The following SEMA4A variants were observed in gnomAD, a reference collection of about 807,000 sequenced individuals.
The protein encoded by SEMA4A is semaphorin-4A.
Under a neutral mutation model 72.5 loss-of-function variants are expected in SEMA4A, and 52 were observed. The observed-to-expected ratio is 0.72, with a 90% CI of 0.57 to 0.90. SEMA4A has a LOEUF of 0.90. Among genes scored for constraint, SEMA4A ranks in the 40% least tolerant of loss-of-function variants. SEMA4A has a pLI of 0.00. For missense variants in SEMA4A, 926 were observed against 959.7 expected, an observed-to-expected ratio of 0.96 and a Z score of 0.46; for synonymous variants, 369 against 393.1, an observed-to-expected ratio of 0.94 and a Z score of 0.73.
Position 156,172,026 on chromosome 1 carries a change from C to T in SEMA4A, c.1135-800C>T, listed in dbSNP as rs548250444. ...GTCTCGATCTCCTGACTTCGTGATC[C>T]GCCAGCCTCGGCCTCCCAAAGTGTT... On this transcript the variant is annotated intron_variant, in intron 10 of 14. Coordinates refer to ENST00000368285, the MANE Select transcript of SEMA4A (RefSeq NM_022367.4). Among the ~76,000 whole-genome samples, 346 of 151,226 alleles carry T rather than the reference C, an allele frequency of 2.3e-3. 2 individuals are homozygous for T. Among genetic ancestry groups the T allele is most frequent in the African/African-American group, 7.8e-3 (323 of 41,244 alleles).
intron 6 of SEMA4A, among the ~76,000 whole-genome samples, chr1:156,159,798 C>T (rs1470201390): frequency 2.0e-5 from 3 of 151,570 alleles, no homozygotes; most frequent in South Asian, 2.1e-4. Context: ...GCCGGACAAG[C>T]GCCTGTGATC....
chr1:156,160,434 C>A lies in SEMA4A; in HGVS notation c.569-9C>A. 6.2e-7 allele frequency: 1 copy of A among 1,605,750 alleles called. No individual in the cohort carries two copies. The highest frequency in any genetic ancestry group is 8.5e-7 in the Non-Finnish European group (1 of 1,172,568). On this transcript the variant is annotated splice_polypyrimidine_tract_variant and intron_variant, in intron 6 of 14. Transcript: ENST00000368285. ...CATCAGTTCTCTCTTCTCCTCTCCTCCACCCTAGATGGGATGCTCTATTCT... is the reference window on the plus strand; with the variant it reads ...CATCAGTTCTCTCTTCTCCTCTCCTACACCCTAGATGGGATGCTCTATTCT...
At chr1:156,173,770 G>C (rs1284239099) in intron 11 of SEMA4A, among the ~76,000 whole-genome samples, 1 of 152,148 alleles carries the variant, frequency 6.6e-6, no homozygotes, top group Non-Finnish European at 1.5e-5. Flanking sequence ...CTGGGAGTGA[G>C]GGGGCAGGAA....
At chr1:156,160,316 A>C in intron 6 of SEMA4A, 127 bp from the exon 7 acceptor site, 1 of 769,594 alleles carries the variant, frequency 1.3e-6, no homozygotes, top group East Asian at 2.5e-5. Context: ...GCTCCCCAGG[A>C]AGGTGCAGAA....
intron 10 of SEMA4A, among the ~76,000 whole-genome samples, chr1:156,166,614 G>A (rs1384579478): frequency 1.3e-5 from 2 of 152,008 alleles, no homozygotes; most frequent in Non-Finnish European, 2.9e-5. Flanking sequence ...TTTCATTTCT[G>A]TGTTCAGAGA....
chr1:156,173,267 A>G (rs1033284816), intron 11 of SEMA4A, among the ~76,000 whole-genome samples: 1 of 152,106 alleles, frequency 6.6e-6, no homozygotes. Flanking sequence ...TGTGTGTCTT[A>G]TGAGGGAAGC....
At chr1:156,153,949 G>T (rs1652759160) in intron 1 of SEMA4A, among the ~76,000 whole-genome samples, 185 bp downstream of exon 1, 5 of 152,152 alleles carry the variant, frequency 3.3e-5, no homozygotes, top group Admixed American at 2.6e-4. Context: ...GACCCTCATT[G>T]CCTCCCTGGA....
chr1:156,168,454 C>G (rs1179494083), intron 10 of SEMA4A, among the ~76,000 whole-genome samples: 1 of 151,978 alleles, frequency 6.6e-6, no homozygotes, highest in Non-Finnish European at 1.5e-5. Context: ...GAACTCCTGA[C>G]CTCAGGCAAT....
At position 156,176,501 on chromosome 1, in the gene SEMA4A, CAG is replaced by C. The variant is rs761149257; in HGVS notation, c.1791_1792del (p.Val598ProfsTer30). On this transcript the variant is annotated frameshift_variant, in exon 15 of 15. Transcript: ENST00000368285. LOFTEE classifies it high-confidence loss of function. Reference sequence around the variant, plus strand: ...TATTATTGGAGTCATGGCCCAGCAGCAGTCCCAGAAGCCTCTTCCACTGTCTA... The same window carrying C: ...TATTATTGGAGTCATGGCCCAGCAGCTCCCAGAAGCCTCTTCCACTGTCTA... 1 of 1,614,160 alleles carries C rather than the reference CAG, an allele frequency of 6.2e-7. No homozygotes were observed.
rs536203308 is a variant in SEMA4A at position 156,174,249 on chromosome 1, G to C, written c.1316-573G>C. On this transcript the variant is annotated intron_variant, in intron 11 of 14. Transcript: ENST00000368285. ...TTTGTCAAGTTCATTCATTCCTTCA[G>C]GACAGATTACTAGGCACTGTATCAG... Among the ~76,000 whole-genome samples, 3 of 152,318 alleles carry C rather than the reference G, an allele frequency of 2.0e-5. No homozygotes were observed. The South Asian group carries it at 6.2e-4, about 32-fold the overall frequency.
chr1:156,167,960 G>C (rs1434389732), intron 10 of SEMA4A, among the ~76,000 whole-genome samples: 2 of 151,938 alleles, frequency 1.3e-5, no homozygotes, highest in Non-Finnish European at 2.9e-5. Context: ...TCACTCTGTT[G>C]CCCAGGCTGG....
chr1:156,156,317 A>C, intron 2 of SEMA4A, 97 bp from the exon 3 acceptor site: 1 of 1,197,204 alleles, frequency 8.4e-7, no homozygotes, highest in Non-Finnish European at 1.2e-6. Flanking sequence ...TGGGGAGCAC[A>C]CTCAGGCAAC....
chr1:156,149,600 G>C (rs1419757700), upstream of SEMA4A: 7 of 152,216 alleles, frequency 4.6e-5, no homozygotes, highest in African/African-American at 1.7e-4. Flanking sequence ...GTCCTCATTG[G>C]CAAACTGAAT....
At chr1:156,151,985 C>T (rs1025321210), upstream of SEMA4A, among the ~76,000 whole-genome samples, 2 of 152,120 alleles carry the variant, frequency 1.3e-5, no homozygotes, top group African/African-American at 4.8e-5. Context: ...CCACCCTTGC[C>T]TTCTCTATCC....
chr1:156,174,434 C>T (rs184173448), intron 11 of SEMA4A, among the ~76,000 whole-genome samples: 3 of 152,190 alleles, frequency 2.0e-5, no homozygotes, highest in Admixed American at 6.5e-5. Context: ...ATCAGGAATG[C>T]CAGGTAAGGA....
chr1:156,160,498 G>C lies in SEMA4A; in HGVS notation c.624G>C (p.Leu208=), dbSNP rs371388874. 1 of 1,614,132 alleles carries C rather than the reference G, an allele frequency of 6.2e-7. No individual in the cohort carries two copies. Among genetic ancestry groups the C allele is most frequent in the Non-Finnish European group, 8.5e-7 (1 of 1,180,024 alleles). The change falls in exon 7 of 15, where the codon CTG becomes CTC. Residue 208 remains leucine, a synonymous_variant. Transcript: ENST00000368285. ...MNNFLGSEPI[L]MRTLGSQPVL... The stretch of plus-strand genomic sequence containing the variant: ...ACTTCCTGGGCAGTGAGCCCATCCT[G>C]ATGCGCACACTGGGATCCCAGCCTG...
chr1:156,175,400 G>A (rs1194474858), intron 13 of SEMA4A, 156 bp from the exon 14 acceptor site: 1 of 1,185,200 alleles, frequency 8.4e-7, no homozygotes, highest in Non-Finnish European at 1.2e-6. Context: ...GAGTTTCCAG[G>A]CAGTTTTGAA....
At chr1:156,153,020 C>T (rs912753712), upstream of SEMA4A, among the ~76,000 whole-genome samples, 3 of 152,084 alleles carry the variant, frequency 2.0e-5, no homozygotes, top group South Asian at 2.1e-4. Context: ...AAGTGTGGTC[C>T]AGTGAGCACG....
chr1:156,154,842 C>T (rs1652868459), intron 2 of SEMA4A, 125 bp downstream of exon 2: 1 of 1,170,416 alleles, frequency 8.5e-7, no homozygotes, highest in Non-Finnish European at 1.2e-6. Flanking sequence ...GAGAGAGATG[C>T]CAGGGAGAAA....
Sources: gnomAD v4.1 joint callset for allele counts (sites outside exome capture counted in the v4.1 genomes callset) on GRCh38, gnomAD v4.1.1 for gene constraint, MANE v1.5 for transcripts, NCBI Gene and HGNC (gene_info 2026-07-23, HGNC 2026-07-21) for gene names.